TMEM135: variants seen among roughly 807,000 people sequenced by gnomAD.
The protein encoded by TMEM135 is transmembrane protein 135.
In TMEM135, 30 loss-of-function variants were observed where a neutral mutation model predicts 60.3. The observed-to-expected ratio is 0.50, with a 90% CI of 0.37 to 0.68. TMEM135 has a LOEUF of 0.68. Ranked by LOEUF, TMEM135 falls within the 30% of genes least tolerant of loss-of-function variation. The pLI, the probability that TMEM135 is intolerant of heterozygous loss-of-function variation, is 0.00. For synonymous variants in TMEM135, 190 were observed against 186.7 expected, an observed-to-expected ratio of 1.02 and a Z score of -0.14; for missense variants, 468 against 548.8, an observed-to-expected ratio of 0.85 and a Z score of 1.47.
chr11:87,144,709 AGTGT>A (rs4014711), intron 4 of TMEM135, among the ~76,000 whole-genome samples: 124 of 147,032 alleles, frequency 8.4e-4, no homozygotes, highest in Non-Finnish European at 1.4e-3. Flanking sequence ...TGTGTGTGAA[AGTGT>A]GTGTGTGTGT....
At chr11:87,276,000 T>C (rs561111758) in intron 6 of TMEM135, among the ~76,000 whole-genome samples, 35 of 152,284 alleles carry the variant, frequency 2.3e-4, no homozygotes, top group African/African-American at 7.7e-4. Context: ...TGCCTTCCTC[T>C]ACTGCCAAGC....
At chr11:87,141,704 A>T (rs975436513) in intron 4 of TMEM135, among the ~76,000 whole-genome samples, 1 of 152,176 alleles carries the variant, frequency 6.6e-6, no homozygotes, top group Non-Finnish European at 1.5e-5. Flanking sequence ...GATAGTTGTC[A>T]CTTGTCAAAT....
chr11:87,053,231 A>G (rs1008449513), intron 1 of TMEM135, among the ~76,000 whole-genome samples: 33 of 151,688 alleles, frequency 2.2e-4, no homozygotes, highest in Middle Eastern at 3.4e-3. Flanking sequence ...AATACATAAA[A>G]GGTAACTCTT....
intron 1 of TMEM135, among the ~76,000 whole-genome samples, chr11:87,063,097 GA>G (rs1380257464): frequency 6.6e-6 from 1 of 152,110 alleles, no homozygotes; most frequent in Non-Finnish European, 1.5e-5. Context: ...GTGAAAAGAA[GA>G]AAATTAAAAT....
intron 5 of TMEM135, among the ~76,000 whole-genome samples, chr11:87,158,458 G>A (rs367847567): frequency 2.8e-5 from 4 of 140,804 alleles, no homozygotes; most frequent in African/African-American, 8.0e-5. Context: ...AAATCACCTT[G>A]GTATAATTTT....
At chr11:87,075,904 C>CAG (rs72116042) in intron 3 of TMEM135, among the ~76,000 whole-genome samples, 1 of 150,228 alleles carries the variant, frequency 6.7e-6, no homozygotes, top group Admixed American at 6.6e-5. Flanking sequence ...CTCTCTCTCT[C>CAG]TGTGTGCTGA....
At chr11:87,276,916 C>T (rs996177786) in intron 6 of TMEM135, among the ~76,000 whole-genome samples, 7 of 151,832 alleles carry the variant, frequency 4.6e-5, no homozygotes, top group Non-Finnish European at 1.0e-4. Context: ...AGTTGGTCCG[C>T]CTGCCTCGGC....
At chr11:87,244,109 CAT>C (rs1941202694) in intron 6 of TMEM135, among the ~76,000 whole-genome samples, 1 of 78,642 alleles carries the variant, frequency 1.3e-5, no homozygotes, top group African/African-American at 5.1e-5. Flanking sequence ...TTGAGATAAT[CAT>C]GTGGTTTTTG....
At chr11:87,233,728 T>G (rs1022113813) in intron 5 of TMEM135, among the ~76,000 whole-genome samples, 4 of 152,040 alleles carry the variant, frequency 2.6e-5, no homozygotes, top group African/African-American at 9.7e-5. Context: ...ATCTAGCAGG[T>G]ACAGAGTAAC....
At chr11:87,106,525 C>G (rs973192932) in intron 4 of TMEM135, among the ~76,000 whole-genome samples, 1 of 152,090 alleles carries the variant, frequency 6.6e-6, no homozygotes, top group Non-Finnish European at 1.5e-5. Flanking sequence ...ATTTTCTTTT[C>G]TTGAAGTGTC....
chr11:87,096,529 T>C (rs1805291112), intron 4 of TMEM135: 1 of 152,294 alleles, frequency 6.6e-6, no homozygotes, highest in African/African-American at 2.4e-5. Context: ...TCACATATGC[T>C]TTAATAATTA....
chr11:87,306,049 G>C (rs1942537518), intron 9 of TMEM135, 44 bp downstream of exon 9: 1 of 1,116,792 alleles, frequency 9.0e-7, no homozygotes, highest in East Asian at 2.6e-5. Flanking sequence ...TAGGGAATGG[G>C]TATAGAAATT....
intron 6 of TMEM135, among the ~76,000 whole-genome samples, chr11:87,288,446 AG>A (rs1942207487): frequency 6.6e-6 from 1 of 152,212 alleles, no homozygotes; most frequent in Non-Finnish European, 1.5e-5. Flanking sequence ...AGTAGCAACT[AG>A]TAATCTTAAC....
intron 4 of TMEM135, among the ~76,000 whole-genome samples, chr11:87,135,078 T>C (rs902668606): frequency 6.6e-6 from 1 of 152,170 alleles, no homozygotes; most frequent in African/African-American, 2.4e-5. Flanking sequence ...TATTTTAAAA[T>C]TGGATTGTTT....
At chr11:87,160,173 T>A (rs1448690931) in intron 5 of TMEM135, among the ~76,000 whole-genome samples, 2 of 152,196 alleles carry the variant, frequency 1.3e-5, no homozygotes, top group Non-Finnish European at 2.9e-5. Flanking sequence ...ACAATAAACT[T>A]TGCATGTGTT....
At position 87,169,934 on chromosome 11, in the gene TMEM135, C is replaced by G. The variant is rs372020925; in HGVS notation, c.462+12528C>G. On this transcript the variant is annotated intron_variant, in intron 5 of 14. Transcript: ENST00000305494. ...CCATTCTCCCCATCATTTTCAGGTACACCAATCAAACATAGGTTTGGTCTT... is the reference window on the plus strand; with the variant it reads ...CCATTCTCCCCATCATTTTCAGGTAGACCAATCAAACATAGGTTTGGTCTT... 2.0e-5 allele frequency among the ~76,000 whole-genome samples: 3 copies of G among 152,254 alleles called. No homozygotes were observed. The East Asian group carries it at 5.8e-4, about 29-fold the overall frequency.
At chr11:87,074,512 A>AT (rs1403746793) in intron 3 of TMEM135, among the ~76,000 whole-genome samples, 2 of 152,158 alleles carry the variant, frequency 1.3e-5, no homozygotes, top group Non-Finnish European at 2.9e-5. Flanking sequence ...GGTAGCTACT[A>AT]TTTACTCTTA....
chr11:87,228,705 A>G (rs1940820775), intron 5 of TMEM135, among the ~76,000 whole-genome samples: 1 of 152,338 alleles, frequency 6.6e-6, no homozygotes, highest in East Asian at 1.9e-4. Flanking sequence ...AATGAAAAGC[A>G]GAAGAGTTCT....
At chr11:87,099,525 T>A (rs992514436) in intron 4 of TMEM135, among the ~76,000 whole-genome samples, 1 of 152,056 alleles carries the variant, frequency 6.6e-6, no homozygotes, top group Non-Finnish European at 1.5e-5. Flanking sequence ...TTCTCTCCTG[T>A]TGTCACCCCT....
Sources: gnomAD v4.1 joint callset for allele counts (sites outside exome capture counted in the v4.1 genomes callset) on GRCh38, gnomAD v4.1.1 for gene constraint, MANE v1.5 for transcripts, NCBI Gene and HGNC (gene_info 2026-07-23, HGNC 2026-07-21) for gene names.